ABCA6: variants seen among roughly 807,000 people sequenced by gnomAD.
ABCA6 encodes ATP-binding cassette sub-family A member 6.
In ABCA6, 164 loss-of-function variants were observed where a neutral mutation model predicts 191.2. That is an observed-to-expected ratio of 0.86 (90% CI 0.76 to 0.98). The LOEUF (loss-of-function observed/expected upper bound fraction) is 0.98, where lower values mean the gene tolerates loss of function less well. Ranked by LOEUF, ABCA6 falls within the 50% of genes least tolerant of loss-of-function variation. The probability of loss-of-function intolerance (pLI) is 0.00; values close to 1 mark genes in which losing one functional copy is unlikely to be tolerated. For missense variants in ABCA6, 1,958 were observed against 1,894.1 expected, an observed-to-expected ratio of 1.03 and a Z score of -0.63; for synonymous variants, 636 against 647.7, an observed-to-expected ratio of 0.98 and a Z score of 0.27.
chr17:69,096,852 T>C, intron 23 of ABCA6, 51 bp from the exon 24 acceptor site: 1 of 1,390,220 alleles, frequency 7.2e-7, no homozygotes, highest in Non-Finnish European at 9.5e-7. Context: ...TCAATTAAAA[T>C]GCAAATCTAA....
intron 31 of ABCA6, 49 bp downstream of exon 31, chr17:69,085,576 A>C: frequency 8.2e-7 from 1 of 1,222,884 alleles, no homozygotes; most frequent in Admixed American, 1.9e-5. Flanking sequence ...TATAATCTAT[A>C]CGTATCATGA....
At chr17:69,133,905 A>G (rs778617323) in intron 5 of ABCA6, 38 bp from the exon 6 acceptor site, 12 of 1,385,076 alleles carry the variant, frequency 8.7e-6, no homozygotes, top group Non-Finnish European at 7.9e-6. Context: ...TATTATTTAA[A>G]AGATAGAAAC....
intron 36 of ABCA6, among the ~76,000 whole-genome samples, chr17:69,081,626 A>C (rs2072639010): frequency 6.6e-6 from 1 of 152,204 alleles, no homozygotes; most frequent in Non-Finnish European, 1.5e-5. Flanking sequence ...GTAAAACCAT[A>C]AATAGTGGCA....
In ABCA6 at chr17:69,140,766, T is replaced by G; in HGVS notation, c.-45-18A>C. 1 of 1,132,170 alleles carries G rather than the reference T, an allele frequency of 8.8e-7. No individual in the cohort carries two copies. Among genetic ancestry groups the G allele is most frequent in the Non-Finnish European group, 1.2e-6 (1 of 817,412 alleles). 70.1% of individuals were successfully genotyped at this position (1,132,170 alleles called of 1,614,324 possible). A position where few individuals can be genotyped will look rare whatever the true frequency, so the allele number is the denominator to read the frequency against. On this transcript the variant is annotated intron_variant, in intron 1 of 38. Transcript: ENST00000284425. Reference sequence around the variant, plus strand: ...AACACAACCTAGAAAAAAATAAGTGTAATAAGAAAAACCTTGATCATAGTG... The same window carrying G: ...AACACAACCTAGAAAAAAATAAGTGGAATAAGAAAAACCTTGATCATAGTG...
At chr17:69,083,893 G>A (rs970337225) in intron 34 of ABCA6, among the ~76,000 whole-genome samples, 8 of 150,896 alleles carry the variant, frequency 5.3e-5, no homozygotes, top group African/African-American at 1.5e-4. Context: ...CATTAAAAAG[G>A]AAAAAAAACA....
intron 36 of ABCA6, among the ~76,000 whole-genome samples, chr17:69,082,347 ACAC>A (rs1156602055): frequency 6.6e-6 from 1 of 151,638 alleles, no homozygotes; most frequent in Admixed American, 6.6e-5. Flanking sequence ...ACACACACAC[ACAC>A]ACACACACAC....
chr17:69,107,081 T>C (rs903688656), intron 18 of ABCA6, among the ~76,000 whole-genome samples: 3 of 152,226 alleles, frequency 2.0e-5, no homozygotes, highest in African/African-American at 7.2e-5. Context: ...CTACCAGATC[T>C]GTACATGTAT....
intron 24 of ABCA6, 69 bp from the exon 25 acceptor site, chr17:69,096,422 CT>C: frequency 2.0e-6 from 2 of 980,936 alleles, no homozygotes; most frequent in East Asian, 5.8e-5. Context: ...TAGATTACAA[CT>C]TTTAAAAAAC....
At chr17:69,121,274 C>T (rs1014518580) in intron 10 of ABCA6, among the ~76,000 whole-genome samples, 1 of 152,040 alleles carries the variant, frequency 6.6e-6, no homozygotes, top group Non-Finnish European at 1.5e-5. Flanking sequence ...ACTGCATATA[C>T]TGTTGGATGG....
chr17:69,089,605 TTAAA>T (rs1555646722), intron 26 of ABCA6, 63 bp from the exon 27 acceptor site: 9 of 1,315,738 alleles, frequency 6.8e-6, no homozygotes, highest in South Asian at 1.3e-5. Flanking sequence ...TGATTTGCAC[TTAAA>T]TAATATAAAA....
At chr17:69,137,063 T>C (rs981807259) in intron 3 of ABCA6, among the ~76,000 whole-genome samples, 2 of 152,212 alleles carry the variant, frequency 1.3e-5, no homozygotes, top group African/African-American at 4.8e-5. Flanking sequence ...TGGGTTTAGT[T>C]ATATTCCAGT....
At chr17:69,112,484 T>C (rs973641095) in intron 15 of ABCA6, 57 of 461,986 alleles carry the variant, frequency 1.2e-4, no homozygotes, top group African/African-American at 1.1e-3. Flanking sequence ...TAAAAGAGAA[T>C]GAAACCATGT....
At chr17:69,118,704 TTC>T (rs987352018) in intron 10 of ABCA6, among the ~76,000 whole-genome samples, 3 of 152,238 alleles carry the variant, frequency 2.0e-5, no homozygotes, top group South Asian at 2.1e-4. Flanking sequence ...TAAATGTTCC[TTC>T]TCTGTTTCCT....
chr17:69,122,955 T>A (rs1283090940), intron 10 of ABCA6, among the ~76,000 whole-genome samples: 1 of 144,650 alleles, frequency 6.9e-6, no homozygotes, highest in Non-Finnish European at 1.5e-5. Flanking sequence ...TAGGTGGGAA[T>A]TGAACAATGA....
At chr17:69,122,949 TG>T (rs2144692983) in intron 10 of ABCA6, among the ~76,000 whole-genome samples, 1 of 139,350 alleles carries the variant, frequency 7.2e-6, no homozygotes, top group South Asian at 2.2e-4. Context: ...CACTCATAGG[TG>T]GGAATTGAAC....
intron 2 of ABCA6, 113 bp from the exon 3 acceptor site, chr17:69,137,613 T>C (rs1433837272): frequency 3.3e-6 from 3 of 919,586 alleles, no homozygotes; most frequent in Non-Finnish European, 4.8e-6. Flanking sequence ...ACAGTTATGT[T>C]CTCTCTGCTC....
intron 22 of ABCA6, among the ~76,000 whole-genome samples, chr17:69,100,188 T>C (rs550141002): frequency 6.6e-6 from 1 of 152,320 alleles, no homozygotes; most frequent in Non-Finnish European, 1.5e-5. Flanking sequence ...GTGATGTGAC[T>C]GGAGCCCAAT....
In ABCA6 at chr17:69,129,635, A is replaced by G. The variant is rs760343038; in HGVS notation, c.908T>C (p.Leu303Pro). The part of the protein sequence containing the change: ...VMTGFMVIFI[L>P]FFLYGLSLVA... Reference sequence around the variant, plus strand: ...CAAAGATAAGCCATATAAAAAAAAGAGTATAAATATGACCATGAAGCCAGT... The same window carrying G: ...CAAAGATAAGCCATATAAAAAAAAGGGTATAAATATGACCATGAAGCCAGT... Residue 303 changes from leucine to proline, a missense_variant, in exon 7 of 39, where the codon CTC (leucine) becomes CCC (proline). Leu to Pro is a moderately conservative substitution (Grantham distance 98). Transcript: ENST00000284425. The G allele has an allele frequency of 5.0e-6, 8 of 1,596,744 alleles. No individual in the cohort carries two copies. The highest frequency in any genetic ancestry group is 2.2e-5 in the East Asian group (1 of 44,674).
chr17:69,132,462 TTTTG>T (rs1334221101), intron 6 of ABCA6, among the ~76,000 whole-genome samples: 5 of 152,040 alleles, frequency 3.3e-5, no homozygotes, highest in East Asian at 1.9e-4. Context: ...TTGTTTTTGT[TTTTG>T]TTTGTTTGGT....
Sources: gnomAD v4.1 joint callset for allele counts (sites outside exome capture counted in the v4.1 genomes callset) on GRCh38, gnomAD v4.1.1 for gene constraint, MANE v1.5 for transcripts, NCBI Gene and HGNC (gene_info 2026-07-23, HGNC 2026-07-21) for gene names.